The following TPRG1 variants were observed in gnomAD, a reference collection of about 807,000 sequenced individuals.
The protein encoded by TPRG1 is tumor protein p63-regulated gene 1 protein.
A neutral mutation model predicts 29.3 loss-of-function variants in TPRG1; 29 were observed. The ratio of observed to expected loss-of-function variants is 0.99; its 90% CI spans 0.74 to 1.35. The LOEUF is 1.35. Among genes scored for constraint, TPRG1 ranks in the 40% most tolerant of loss-of-function variants. The pLI is 0.00. For synonymous variants in TPRG1, 130 were observed against 116.8 expected, an observed-to-expected ratio of 1.11 and a Z score of -0.73; for missense variants, 327 against 335.0, an observed-to-expected ratio of 0.98 and a Z score of 0.19.
intron 4 of TPRG1, among the ~76,000 whole-genome samples, chr3:189,284,354 C>G (rs184708060): frequency 0.093 from 10,639 of 114,668 alleles, 302 homozygotes; most frequent in East Asian, 0.17. Context: ...CTCCCCCCCC[C>G]TCCCCCCACC....
At chr3:189,302,841 A>G (rs932583301) in intron 4 of TPRG1, among the ~76,000 whole-genome samples, 4 of 152,220 alleles carry the variant, frequency 2.6e-5, no homozygotes, top group African/African-American at 9.6e-5. Flanking sequence ...CATCACCCCA[A>G]TAACAGTATG....
intron 2 of TPRG1, among the ~76,000 whole-genome samples, chr3:189,214,421 G>A (rs150879381): frequency 6.6e-6 from 1 of 152,340 alleles, no homozygotes; most frequent in Non-Finnish European, 1.5e-5. Context: ...ATCACAAAGA[G>A]TGGAGGTTGA....
rs1251279395 is a variant in TPRG1 at position 189,222,428 on chromosome 3, A to G, written c.302+7045A>G. 2.0e-5 allele frequency among the ~76,000 whole-genome samples: 3 copies of G among 152,280 alleles called. No individual in the cohort carries two copies. The East Asian group carries it at 5.8e-4, about 29-fold the overall frequency. On this transcript the variant is annotated intron_variant, in intron 3 of 5. Transcript: ENST00000345063. ...AGTACTATGGAAACTACCATTTCGA[A>G]ACTGCATTTTCTACTCAACCCCATG...
chr3:189,315,901 C>A lies in TPRG1; in HGVS notation c.634-4725C>A, dbSNP rs549806588. The stretch of plus-strand genomic sequence containing the variant: ...ACTAAGATTGTAAATAGGGGGAGCC[C>A]AAAAGTGGGAACAGATAAGTCCAAA... On this transcript the variant is annotated intron_variant, in intron 5 of 5. Transcript: ENST00000345063. Among the ~76,000 whole-genome samples, 230 of 152,102 alleles carry A rather than the reference C, an allele frequency of 1.5e-3. 1 individual carries two copies. Among genetic ancestry groups the A allele is most frequent in the African/African-American group, 5.3e-3 (219 of 41,486 alleles).
intron 3 of TPRG1, among the ~76,000 whole-genome samples, chr3:189,145,227 T>TG (rs1725089579): frequency 1.3e-5 from 2 of 151,858 alleles, no homozygotes; most frequent in African/African-American, 4.8e-5. Flanking sequence ...CTGGGCGTGG[T>TG]GGCAGGCGCC....
intron 3 of TPRG1, among the ~76,000 whole-genome samples, chr3:189,133,217 T>C (rs539700517): frequency 7.3e-5 from 11 of 151,570 alleles, no homozygotes; most frequent in Non-Finnish European, 1.0e-4. Context: ...CTGGAAAGAG[T>C]TTGAATGCCA....
chr3:189,296,416 T>C (rs1196386085), intron 4 of TPRG1, among the ~76,000 whole-genome samples: 1 of 152,216 alleles, frequency 6.6e-6, no homozygotes, highest in Non-Finnish European at 1.5e-5. Context: ...TGCTGTTGGC[T>C]AAATTGCAAA....
At chr3:189,070,216 G>A (rs928327914) in intron 4 of TPRG1, among the ~76,000 whole-genome samples, 1 of 152,132 alleles carries the variant, frequency 6.6e-6, no homozygotes. Flanking sequence ...ATGACAAAAT[G>A]TTAGAAATGG....
intron 1 of TPRG1, among the ~76,000 whole-genome samples, chr3:189,102,151 A>G (rs1478015307): frequency 6.6e-6 from 1 of 152,200 alleles, no homozygotes; most frequent in African/African-American, 2.4e-5. Context: ...TCCTATATTC[A>G]GTTAACACCC....
At chr3:189,219,717 C>A in intron 3 of TPRG1, 1 of 1,253,386 alleles carries the variant, frequency 8.0e-7, no homozygotes, top group Admixed American at 2.8e-5. Context: ...GAGGAGACAG[C>A]ATCTTCCCTC....
At chr3:189,187,451 C>T (rs113194390) in intron 1 of TPRG1, among the ~76,000 whole-genome samples, 10,595 of 150,920 alleles carry the variant, frequency 0.07, 490 homozygotes, top group Middle Eastern at 0.13. Context: ...GGATTACAGA[C>T]CCCGCCACCA....
intron 4 of TPRG1, among the ~76,000 whole-genome samples, chr3:189,070,665 C>T (rs905757223): frequency 2.0e-4 from 31 of 152,140 alleles, no homozygotes; most frequent in East Asian, 5.8e-4. Flanking sequence ...GAGAACAATA[C>T]GACAGTTTTA....
intron 4 of TPRG1, among the ~76,000 whole-genome samples, chr3:189,266,572 G>A (rs1329511165): frequency 1.3e-5 from 2 of 152,062 alleles, no homozygotes; most frequent in Admixed American, 6.6e-5. Flanking sequence ...ATCCGTTTTT[G>A]TGATCAAGAA....
intron 1 of TPRG1, among the ~76,000 whole-genome samples, chr3:189,115,166 A>G (rs1214187375): frequency 6.6e-6 from 1 of 152,238 alleles, no homozygotes; most frequent in African/African-American, 2.4e-5. Flanking sequence ...AAAAACTGAG[A>G]AGGAAGAAGG....
chr3:189,134,403 CT>C (rs56318082), intron 3 of TPRG1, among the ~76,000 whole-genome samples: 2,222 of 120,394 alleles, frequency 0.018, 16 homozygotes, highest in African/African-American at 0.042. Context: ...TGGGGGTATC[CT>C]TTTTTTTTTT....
intron 4 of TPRG1, among the ~76,000 whole-genome samples, chr3:189,056,634 A>C (rs552023427): frequency 6.6e-6 from 1 of 152,174 alleles, no homozygotes; most frequent in Non-Finnish European, 1.5e-5. Flanking sequence ...AAGTTCCTTG[A>C]GGTCAAGAAT....
chr3:189,188,251 G>C (rs1341450724), intron 1 of TPRG1, among the ~76,000 whole-genome samples: 1 of 152,228 alleles, frequency 6.6e-6, no homozygotes, highest in African/African-American at 2.4e-5. Context: ...AGGGATGTGT[G>C]CTGGGACATG....
intron 2 of TPRG1, among the ~76,000 whole-genome samples, chr3:189,004,064 G>C (rs1449836527): frequency 2.6e-5 from 4 of 152,096 alleles, no homozygotes; most frequent in Non-Finnish European, 4.4e-5. Context: ...TGATGCTGCT[G>C]AAGGGCCAAA....
In TPRG1 at chr3:189,225,940, C is replaced by A. The variant is rs142060655; in HGVS notation, c.302+10557C>A. Among the ~76,000 whole-genome samples, 488 of 152,042 alleles carry A rather than the reference C, an allele frequency of 3.2e-3. 3 individuals carry two copies. The highest frequency in any genetic ancestry group is 0.011 in the African/African-American group (466 of 41,488). On this transcript the variant is annotated intron_variant, in intron 3 of 5. Transcript: ENST00000345063. ...ATTATCTAATGATAAAAGAGACAATCCACCAAGAAGATACAGCAATTCTAA... is the reference window on the plus strand; with the variant it reads ...ATTATCTAATGATAAAAGAGACAATACACCAAGAAGATACAGCAATTCTAA...
Sources: gnomAD v4.1 joint callset for allele counts (sites outside exome capture counted in the v4.1 genomes callset) on GRCh38, gnomAD v4.1.1 for gene constraint, MANE v1.5 for transcripts, NCBI Gene and HGNC (gene_info 2026-07-23, HGNC 2026-07-21) for gene names.